Variants in NOTCH2 observed in about 807,000 individuals in gnomAD.
NOTCH2 encodes the protein notch receptor 2.
NOTCH2 carries 29 observed loss-of-function variants against 235.8 expected under a neutral mutation model. The ratio of observed to expected loss-of-function variants is 0.12; its 90% CI spans 0.09 to 0.17. The LOEUF (loss-of-function observed/expected upper bound fraction) is 0.17. NOTCH2 is among the 10% of genes least tolerant of loss of function. The pLI, the probability that NOTCH2 is intolerant of heterozygous loss-of-function variation, is 1.00. For synonymous variants in NOTCH2, 1,086 were observed against 1,141.5 expected (o/e 0.95, Z 0.98); for missense variants, 2,285 against 3,150.2 (o/e 0.73, Z 6.57).
At chr1:119,949,390 T>C (rs1371391576) in intron 15 of NOTCH2, among the ~76,000 whole-genome samples, 4 of 146,768 alleles carry the variant, frequency 2.7e-5, no homozygotes, top group African/African-American at 1.0e-4. Flanking sequence ...TTTCTTTTTT[T>C]TTTTTTTTTT....
At chr1:119,917,130 C>G (rs972592389) in intron 33 of NOTCH2, among the ~76,000 whole-genome samples, 5 of 151,452 alleles carry the variant, frequency 3.3e-5, no homozygotes, top group Admixed American at 1.3e-4. Context: ...AGAGAAAAAA[C>G]TAAGGCATGC....
At chr1:119,929,284 C>T (rs1220839348) in intron 22 of NOTCH2, 72 bp from the exon 23 acceptor site, 1 of 1,258,240 alleles carries the variant, frequency 7.9e-7, no homozygotes, top group African/African-American at 1.5e-5. Context: ...GATAACCACC[C>T]TTGTTGGCAT....
At chr1:120,027,613 C>T (rs868955698) in intron 2 of NOTCH2, among the ~76,000 whole-genome samples, 3 of 151,814 alleles carry the variant, frequency 2.0e-5, no homozygotes, top group Admixed American at 6.6e-5. Flanking sequence ...CATCCTAATG[C>T]TCTCCCTCCC....
At chr1:119,967,195 T>C (rs1293050839) in intron 8 of NOTCH2, among the ~76,000 whole-genome samples, 12 of 152,224 alleles carry the variant, frequency 7.9e-5, no homozygotes, top group African/African-American at 2.7e-4. Context: ...CATGTGGATT[T>C]TGATATAACA....
chr1:119,928,761 C>T (rs1404034381), intron 23 of NOTCH2, among the ~76,000 whole-genome samples: 1 of 152,110 alleles, frequency 6.6e-6, no homozygotes, highest in African/African-American at 2.4e-5. Context: ...CAATGCACAA[C>T]AAAAGAATCT....
rs1557840232 is a variant in NOTCH2 at position 119,999,967 on chromosome 1, GAAAGAAAGA to G, written c.416-2644_416-2636del. On this transcript the variant is annotated intron_variant, in intron 3 of 33. Coordinates refer to ENST00000256646, the MANE Select transcript of NOTCH2 (RefSeq NM_024408.4). ...AGAAAGAAAGAAAGAAAGAAAGAAA[GAAAGAAAGA>G]AAGGAAGGAAGGAAGGAAGGAAGGA... Among the ~76,000 whole-genome samples the G allele has an allele frequency of 1.9e-3, 221 of 116,676 alleles. 2 individuals are homozygous for G. The highest frequency in any genetic ancestry group is 2.8e-3 in the East Asian group (12 of 4,314). The allele number at this position is 116,676 out of a possible 152,430, so 76.5% of individuals were successfully genotyped here.
Position 119,997,196 on chromosome 1 carries a change from A to G in NOTCH2, c.552T>C (p.Asn184=), listed in dbSNP as rs1553204322. 3 of 1,614,024 alleles carry G rather than the reference A, an allele frequency of 1.9e-6. No homozygotes were observed. Among genetic ancestry groups the G allele is most frequent in the South Asian group, 2.2e-5 (2 of 91,080 alleles). ...FTGQKCETDV[N]ECDIPGHCQH... is the part of the protein sequence containing the mutation. ...GGCAGTGTCCTGGAATGTCACACTC[A>G]TTGACATCAGTCTCACATTTCTGCC... The change falls in exon 4 of 34, where the codon AAT becomes AAC. Residue 184 remains asparagine, a synonymous_variant. Coordinates refer to ENST00000256646, the MANE Select transcript of NOTCH2 (RefSeq NM_024408.4).
rs906680491 is a variant in NOTCH2, at chr1:119,931,910, G to T, written c.3656-2698C>A. ...ATAAAAAAATACTGGGAATATATTT[G>T]TTTTTTTATATCATAGCCAATTTCC... On this transcript the variant is annotated intron_variant, in intron 22 of 33. Transcript: ENST00000256646. Among the ~76,000 whole-genome samples, 4 of 149,486 alleles carry T rather than the reference G, an allele frequency of 2.7e-5. No individual in the cohort carries two copies. The East Asian group carries it at 7.8e-4, about 29-fold the overall frequency.
At chr1:119,922,802 G>A (rs758180604) in intron 26 of NOTCH2, 24 bp from the exon 27 acceptor site, 106 of 1,613,634 alleles carry the variant, frequency 6.6e-5, no homozygotes, top group Non-Finnish European at 8.3e-5. Flanking sequence ...AGGGAGAAGC[G>A]GAGGAGGAGA....
chr1:120,069,142 C>T (rs1553217777), intron 1 of NOTCH2, 192 bp downstream of exon 1: 1 of 1,527,068 alleles, frequency 6.5e-7, no homozygotes, highest in Non-Finnish European at 8.8e-7. Context: ...GCGGGGAACC[C>T]CGGCGGTTGG....
At chr1:120,048,606 T>G (rs2101393838) in intron 1 of NOTCH2, among the ~76,000 whole-genome samples, 1 of 147,448 alleles carries the variant, frequency 6.8e-6, no homozygotes, top group South Asian at 2.2e-4. Context: ...GCACCCCCAC[T>G]CCTGGCTAAT....
At chr1:119,984,784 A>G (rs1432722076) in intron 5 of NOTCH2, among the ~76,000 whole-genome samples, 1 of 152,186 alleles carries the variant, frequency 6.6e-6, no homozygotes, top group Non-Finnish European at 1.5e-5. Flanking sequence ...CATCAAGCAT[A>G]TAATAATATC....
At chr1:119,920,153 G>A in intron 30 of NOTCH2, 76 bp downstream of exon 30, 3 of 1,554,756 alleles carry the variant, frequency 1.9e-6, no homozygotes, top group Non-Finnish European at 2.7e-6. Flanking sequence ...GACTGGACAG[G>A]GCAAACACAG....
intron 2 of NOTCH2, among the ~76,000 whole-genome samples, chr1:120,007,282 CACTG>C (rs1204660715): frequency 1.3e-5 from 2 of 150,294 alleles, no homozygotes; most frequent in Admixed American, 6.6e-5. Context: ...TACTTATCTT[CACTG>C]ACTATCCATT....
At chr1:119,954,976 GTAC>G in intron 13 of NOTCH2, 61 bp downstream of exon 13, 1 of 1,546,750 alleles carries the variant, frequency 6.5e-7, no homozygotes, top group Non-Finnish European at 8.9e-7. Flanking sequence ...GCTGTCACCA[GTAC>G]TACAAGCCAA....
At chr1:119,922,515 A>G in intron 27 of NOTCH2, 69 bp from the exon 28 acceptor site, 1 of 1,596,282 alleles carries the variant, frequency 6.3e-7, no homozygotes, top group South Asian at 1.1e-5. Flanking sequence ...CATTAGATTC[A>G]TTTAGAGGGC....
chr1:119,963,520 C>A, intron 11 of NOTCH2, 54 bp downstream of exon 11: 1 of 1,460,582 alleles, frequency 6.8e-7, no homozygotes, highest in Non-Finnish European at 9.6e-7. Context: ...TCTGTGTAAA[C>A]AGATTTGAGA....
chr1:119,969,192 T>G (rs782246513), intron 6 of NOTCH2, among the ~76,000 whole-genome samples: 2 of 152,270 alleles, frequency 1.3e-5, no homozygotes, highest in Admixed American at 6.5e-5. Flanking sequence ...TTAGCCATTT[T>G]ATCTTAATAG....
intron 5 of NOTCH2, among the ~76,000 whole-genome samples, chr1:119,980,805 C>T (rs1651784238): frequency 1.3e-5 from 2 of 152,178 alleles, no homozygotes; most frequent in Admixed American, 6.5e-5. Context: ...TAAAATATTA[C>T]AGGAGCTGCC....
Sources: allele counts gnomAD v4.1 joint callset (sites outside exome capture counted in the v4.1 genomes callset), GRCh38; gene constraint gnomAD v4.1.1; transcripts MANE v1.5; gene names NCBI Gene and HGNC (gene_info 2026-07-23, HGNC 2026-07-21).